Variants in ERC2 observed in about 807,000 individuals in gnomAD.
ERC2 encodes ELKS/RAB6-interacting/CAST family member 2.
Under a neutral mutation model 114.8 loss-of-function variants are expected in ERC2, and 42 were observed. The observed-to-expected ratio is 0.37, with a 90% confidence interval of 0.29 to 0.47. ERC2 has a LOEUF of 0.47. Among genes scored for constraint, ERC2 ranks in the 20% least tolerant of loss-of-function variants. ERC2 has a pLI of 0.99. For synonymous variants in ERC2, 454 were observed against 425.5 expected (o/e 1.07, Z -0.82); for missense variants, 939 against 1,150.7 (o/e 0.82, Z 2.66).
chr3:56,241,969 T>C (rs2051351752), intron 3 of ERC2, among the ~76,000 whole-genome samples: 1 of 152,160 alleles, frequency 6.6e-6, no homozygotes, highest in Non-Finnish European at 1.5e-5. Context: ...ATTAAATAAT[T>C]ACAAGAGACA....
intron 3 of ERC2, among the ~76,000 whole-genome samples, chr3:56,272,404 T>C (rs4325896): frequency 0.26 from 39,103 of 152,138 alleles, 5,815 homozygotes; most frequent in Non-Finnish European, 0.33. Flanking sequence ...AAACCACCAT[T>C]TTCCCATCCT....
At position 56,033,001 on chromosome 3, in the gene ERC2, AAGAAAGAAAGAAAGAAAGAAAAAAGAAAC is replaced by A. The variant is rs1560057775; in HGVS notation, c.1642-13999_1642-13971del. On this transcript the variant is annotated intron_variant, in intron 7 of 17. Coordinates refer to ENST00000288221, the MANE Select transcript of ERC2 (RefSeq NM_015576.3). ...AGAGAAAGAAAGAAAGAAAGAAAGA[AAGAAAGAAAGAAAGAAAGAAAAAAGAAAC>A]AGAAAGAAAGAAAGAAAGAAAGAAA... is the stretch of plus-strand genomic sequence containing the variant. 2.6e-4 allele frequency among the ~76,000 whole-genome samples: 35 copies of A among 133,338 alleles called. No individual in the cohort carries two copies. The East Asian group carries it at 5.0e-3, about 19-fold the overall frequency. 87.5% of individuals were successfully genotyped at this position (133,338 alleles called of 152,430 possible).
At chr3:55,881,723 A>G (rs2063125008) in intron 14 of ERC2, among the ~76,000 whole-genome samples, 1 of 152,206 alleles carries the variant, frequency 6.6e-6, no homozygotes, top group African/African-American at 2.4e-5. Flanking sequence ...ATGTAAGCTT[A>G]TTAGCTGGCA....
Position 55,510,318 on chromosome 3 carries a change from A to G in ERC2, c.*998T>C, listed in dbSNP as rs1311309570. 1 of 152,256 alleles carries G rather than the reference A, an allele frequency of 6.6e-6. No individual in the cohort carries two copies. The highest frequency in any genetic ancestry group is 1.5e-5 in the Non-Finnish European group (1 of 68,024). The allele number at this position is 152,256 out of a possible 1,614,324, so 9.4% of individuals were successfully genotyped here. On this transcript the variant is annotated 3_prime_UTR_variant, in exon 18 of 18. Transcript: ENST00000288221. ...CTTCATTTACAGAAAATCTAAGCTT[A>G]CACTGTTTGCACAGCATTTGGATCT...
chr3:55,807,502 C>T (rs2149116073), intron 14 of ERC2, among the ~76,000 whole-genome samples: 1 of 151,552 alleles, frequency 6.6e-6, no homozygotes, highest in East Asian at 1.9e-4. Flanking sequence ...CTTTGTGGGT[C>T]ATATGAACAC....
At chr3:55,786,225 G>A (rs541575701) in intron 14 of ERC2, among the ~76,000 whole-genome samples, 74 of 152,314 alleles carry the variant, frequency 4.9e-4, no homozygotes, top group African/African-American at 1.8e-3. Context: ...GGGCAGAGGG[G>A]TAAGGAGTTC....
At chr3:56,218,345 T>G (rs1388662917) in intron 3 of ERC2, among the ~76,000 whole-genome samples, 1 of 152,188 alleles carries the variant, frequency 6.6e-6, no homozygotes, top group Non-Finnish European at 1.5e-5. Context: ...GAACAGACAC[T>G]TCTCAAAAGG....
intron 13 of ERC2, among the ~76,000 whole-genome samples, chr3:55,938,957 A>T (rs1001808583): frequency 6.6e-6 from 1 of 152,190 alleles, no homozygotes; most frequent in African/African-American, 2.4e-5. Context: ...TTTAAAAAAA[A>T]TTTATCAGAT....
chr3:55,768,395 G>A (rs1415738031), intron 14 of ERC2, among the ~76,000 whole-genome samples: 1 of 152,158 alleles, frequency 6.6e-6, no homozygotes, highest in Admixed American at 6.5e-5. Context: ...TCTGTAATAG[G>A]CACTGTGCTT....
intron 14 of ERC2, among the ~76,000 whole-genome samples, chr3:55,794,188 T>C (rs2070286212): frequency 6.6e-6 from 1 of 152,220 alleles, no homozygotes; most frequent in Non-Finnish European, 1.5e-5. Context: ...TTATCCATTA[T>C]CTATAGAAAA....
chr3:55,810,049 T>A (rs2059655121), intron 14 of ERC2, among the ~76,000 whole-genome samples: 1 of 152,230 alleles, frequency 6.6e-6, no homozygotes, highest in Non-Finnish European at 1.5e-5. Flanking sequence ...AAGATATGTT[T>A]AACTCACTGG....
intron 17 of ERC2, among the ~76,000 whole-genome samples, chr3:55,653,564 AGTGTGTGTGTGTGTGTGTGT>A (rs36231107): frequency 0.2 from 28,073 of 141,256 alleles, 2,711 homozygotes; most frequent in Middle Eastern, 0.24. Flanking sequence ...ACCTGGTAAA[AGTGTGTGTGTGTGTGTGTGT>A]GTGTGTGTGT....
At chr3:55,922,631 A>C (rs1435602348) in intron 13 of ERC2, among the ~76,000 whole-genome samples, 1 of 152,108 alleles carries the variant, frequency 6.6e-6, no homozygotes, top group Non-Finnish European at 1.5e-5. Context: ...TTGTAATTAC[A>C]ATCAAACAGA....
chr3:56,194,431 C>T (rs1310291693), intron 3 of ERC2, among the ~76,000 whole-genome samples: 2 of 152,112 alleles, frequency 1.3e-5, no homozygotes, highest in Non-Finnish European at 2.9e-5. Context: ...ACTCTACAGC[C>T]TGGGAGACAG....
chr3:55,519,392 AT>A (rs1418118020), intron 17 of ERC2, among the ~76,000 whole-genome samples: 1 of 152,234 alleles, frequency 6.6e-6, no homozygotes, highest in Non-Finnish European at 1.5e-5. Context: ...ATGGATGTTA[AT>A]GTGGAATACC....
At chr3:56,408,759 G>A (rs1353355432) in intron 2 of ERC2, among the ~76,000 whole-genome samples, 3 of 152,356 alleles carry the variant, frequency 2.0e-5, no homozygotes, top group Admixed American at 6.5e-5. Flanking sequence ...TTCAGACAGC[G>A]TCAGGAGAGA....
intron 5 of ERC2, among the ~76,000 whole-genome samples, chr3:56,146,813 C>T (rs557009243): frequency 6.6e-6 from 1 of 152,304 alleles, no homozygotes; most frequent in African/African-American, 2.4e-5. Context: ...CTTCAGCCTG[C>T]ACTCTTTCCA....
intron 17 of ERC2, among the ~76,000 whole-genome samples, chr3:55,516,011 T>TTCCAA (rs1382270150): frequency 1.3e-5 from 2 of 152,180 alleles, no homozygotes; most frequent in African/African-American, 4.8e-5. Flanking sequence ...TCCATGTGCT[T>TTCCAA]TCCAAATGTG....
chr3:55,538,854 G>T (rs112663319), intron 17 of ERC2, among the ~76,000 whole-genome samples: 1 of 152,140 alleles, frequency 6.6e-6, no homozygotes, highest in Admixed American at 6.5e-5. Flanking sequence ...TACCAGCCAC[G>T]CTTCCTCTAT....
Sources: allele counts gnomAD v4.1 joint callset (sites outside exome capture counted in the v4.1 genomes callset), GRCh38; gene constraint gnomAD v4.1.1; transcripts MANE v1.5; gene names NCBI Gene and HGNC (gene_info 2026-07-23, HGNC 2026-07-21).